The following SUPT20H variants were observed in gnomAD, a reference collection of about 807,000 sequenced individuals.
SUPT20H encodes the protein transcription factor SPT20 homolog.
Under a neutral mutation model 122.8 loss-of-function variants are expected in SUPT20H, and 82 were observed. The observed-to-expected ratio is 0.67, with a 90% CI of 0.56 to 0.80. The LOEUF is 0.80. SUPT20H is among the 30% of genes least tolerant of loss of function. SUPT20H has a pLI of 0.00. For synonymous variants in SUPT20H, 291 were observed against 313.0 expected, an observed-to-expected ratio of 0.93 and a Z score of 0.74; for missense variants, 831 against 921.6, an observed-to-expected ratio of 0.90 and a Z score of 1.27.
rs1275703441 is a variant in SUPT20H, at chr13:37,048,476, T to TA, written c.39+87dup. 5.5e-6 allele frequency: 7 copies of TA among 1,276,394 alleles called. No individual in the cohort carries two copies. The African/African-American group carries it at 9.2e-5, about 17-fold the overall frequency. 79.1% of individuals were successfully genotyped at this position (1,276,394 alleles called of 1,614,324 possible). ...GTCCTAAAATAGTAATGTGCTCCTTTAAAAATCACATACAAAAATCTCTTA... is the reference window on the plus strand; with the variant it reads ...GTCCTAAAATAGTAATGTGCTCCTTTAAAAAATCACATACAAAAATCTCTTA... On this transcript the variant is annotated intron_variant, in intron 3 of 25. Transcript: ENST00000350612.
rs752915989 is a variant in SUPT20H, at chr13:37,009,350, CTG to C, written c.*320_*321del. On this transcript the variant is annotated 3_prime_UTR_variant, in exon 26 of 26. Transcript: ENST00000350612. ...TTTGTAAAAATTGTATTTGTTAACACTGTGCACAAACGTTTTATACTAAATAA... is the reference window on the plus strand; with the variant it reads ...TTTGTAAAAATTGTATTTGTTAACACTGCACAAACGTTTTATACTAAATAA... 2.4e-5 allele frequency: 25 copies of C among 1,044,058 alleles called. No homozygotes were observed. The highest frequency in any genetic ancestry group is 3.4e-5 in the Non-Finnish European group (23 of 682,002). 64.7% of individuals were successfully genotyped at this position (1,044,058 alleles called of 1,614,324 possible).
chr13:37,033,518 A>G lies in SUPT20H; in HGVS notation c.638T>C (p.Ile213Thr), dbSNP rs911934207. The change falls in exon 10 of 26, where the codon ATA becomes ACA. Residue 213 changes from isoleucine to threonine, a missense_variant. Physicochemically the swap from Ile to Thr is moderately conservative, Grantham distance 89. Transcript: ENST00000350612. ...TAEPLCLDPS[I>T]AVTCTANRLL... ...TCTGTTTGCAGTGCAGGTGACTGCT[A>G]TAGAAGGATCAAGACAGAGTGGTTC... is the stretch of plus-strand genomic sequence containing the variant. 2 of 1,613,794 alleles carry G rather than the reference A, an allele frequency of 1.2e-6. No homozygotes were observed. The highest frequency in any genetic ancestry group is 4.5e-5 in the East Asian group (2 of 44,870).
intron 1 of SUPT20H, among the ~76,000 whole-genome samples, chr13:37,055,150 T>C (rs1001544428): frequency 3.3e-5 from 5 of 152,272 alleles, no homozygotes; most frequent in Admixed American, 6.5e-5. Context: ...ATTCCATGCT[T>C]ATGAGTAGGA....
rs1566161940 is a variant in SUPT20H at position 37,022,346 on chromosome 13, A to C, written c.1592-266T>G. 5.0e-5 allele frequency: 67 copies of C among 1,352,032 alleles called. No individual in the cohort carries two copies. Among genetic ancestry groups the C allele is most frequent in the Non-Finnish European group, 6.3e-5 (66 of 1,052,060 alleles). 83.8% of individuals were successfully genotyped at this position (1,352,032 alleles called of 1,614,324 possible). Reference sequence around the variant, plus strand: ...CTCATTGAGAAAAATAAAAATTGCTAGTTTGTTATAAATGGCCAGTCCTTT... The same window carrying C: ...CTCATTGAGAAAAATAAAAATTGCTCGTTTGTTATAAATGGCCAGTCCTTT... On this transcript the variant is annotated intron_variant, in intron 19 of 25. Transcript: ENST00000350612. The surrounding 1 kb of genome is among the most constrained non-coding windows in gnomAD (Gnocchi z 4.5).
At chr13:37,048,460 T>C in intron 3 of SUPT20H, 104 bp downstream of exon 3, 1 of 1,016,822 alleles carries the variant, frequency 9.8e-7, no homozygotes, top group Non-Finnish European at 1.4e-6. Flanking sequence ...TGTCCTAAAA[T>C]AGTAATGTGC....
chr13:37,023,011 C>T, intron 19 of SUPT20H: 1 of 1,279,412 alleles, frequency 7.8e-7, no homozygotes, highest in Non-Finnish European at 1.0e-6. Flanking sequence ...AAACCAAAAG[C>T]TCTTGAGGTG....
intron 12 of SUPT20H, 126 bp from the exon 13 acceptor site, chr13:37,029,962 A>C: frequency 4.7e-6 from 3 of 644,528 alleles, no homozygotes; most frequent in Non-Finnish European, 7.3e-6. Flanking sequence ...TAGCGCAAGA[A>C]TTCTTAAATT....
At chr13:37,029,043 A>G (rs1416386425) in intron 13 of SUPT20H, among the ~76,000 whole-genome samples, 2 of 151,774 alleles carry the variant, frequency 1.3e-5, no homozygotes, top group Admixed American at 1.3e-4. Context: ...TCATCATTTC[A>G]CTCCCAGAGT....
intron 21 of SUPT20H, among the ~76,000 whole-genome samples, 179 bp from the exon 22 acceptor site, chr13:37,019,576 G>A (rs2061146049): frequency 6.6e-6 from 1 of 152,090 alleles, no homozygotes; most frequent in Non-Finnish European, 1.5e-5. Flanking sequence ...TATCAATACT[G>A]AGATTTTATT....
Position 37,026,397 on chromosome 13 carries a change from CAT to C in SUPT20H, c.1179-163_1179-162del, listed in dbSNP as rs201148942. The stretch of plus-strand genomic sequence containing the variant: ...AAAAAATTTTTTTAATGCATTTAAA[CAT>C]ATGAAACAATGACTAAGTTTTGCAT... On this transcript the variant is annotated intron_variant, in intron 15 of 25. Coordinates refer to ENST00000350612, the MANE Select transcript of SUPT20H (RefSeq NM_001014286.3). 4.0e-3 allele frequency among the ~76,000 whole-genome samples: 607 copies of C among 152,068 alleles called. 5 individuals carry two copies. The highest frequency in any genetic ancestry group is 0.014 in the African/African-American group (585 of 41,510).
chr13:37,042,420 A>G (rs1262291284), intron 7 of SUPT20H, among the ~76,000 whole-genome samples: 2 of 152,204 alleles, frequency 1.3e-5, no homozygotes, highest in Middle Eastern at 3.2e-3. Context: ...TCATTCAGGG[A>G]GAATATTACT....
intron 9 of SUPT20H, among the ~76,000 whole-genome samples, chr13:37,036,822 G>A (rs2064523755): frequency 6.6e-6 from 1 of 151,920 alleles, no homozygotes; most frequent in Non-Finnish European, 1.5e-5. Context: ...TTTTCTCTTA[G>A]GATTTTCTTA....
rs762105775 is a variant in SUPT20H at position 37,031,588 on chromosome 13, C to T, written c.900G>A (p.Leu300=). 3 of 1,561,480 alleles carry T rather than the reference C, an allele frequency of 1.9e-6. No individual in the cohort carries two copies. The highest frequency in any genetic ancestry group is 2.6e-6 in the Non-Finnish European group (3 of 1,163,130). ...VDMWKRSPCN[L]AIPSEVDVEK... is the part of the protein sequence containing the mutation. ...TTACATCTACTTCAGAAGGTATGGCCAAATTACAGGGACTCCGTTTCCACA... is the reference window on the plus strand; with the variant it reads ...TTACATCTACTTCAGAAGGTATGGCTAAATTACAGGGACTCCGTTTCCACA... The change falls in exon 12 of 26, where the codon TTG becomes TTA. Residue 300 remains leucine, a synonymous_variant. Transcript: ENST00000350612.
chr13:37,014,358 T>C (rs1053586855), intron 23 of SUPT20H, among the ~76,000 whole-genome samples: 1 of 152,010 alleles, frequency 6.6e-6, no homozygotes, highest in African/African-American at 2.4e-5. Flanking sequence ...AAGAAAAGGA[T>C]ATAGAAGACC....
At chr13:37,021,645 GAA>G (rs777339871) in intron 20 of SUPT20H, 43 bp from the exon 21 acceptor site, 1 of 1,542,714 alleles carries the variant, frequency 6.5e-7, no homozygotes, top group South Asian at 1.2e-5. Flanking sequence ...ACTGTAAAAG[GAA>G]AAAATCAGCC....
intron 1 of SUPT20H, among the ~76,000 whole-genome samples, chr13:37,058,956 G>C (rs1327736867): frequency 1.3e-5 from 2 of 152,138 alleles, no homozygotes; most frequent in Non-Finnish European, 2.9e-5. Context: ...AGTCCTACTA[G>C]AGACTTTGAT....
chr13:37,043,326 A>G (rs1470266763), intron 7 of SUPT20H, among the ~76,000 whole-genome samples: 1 of 152,208 alleles, frequency 6.6e-6, no homozygotes, highest in African/African-American at 2.4e-5. Context: ...TCCTCAGTAG[A>G]GTACACAGTA....
intron 2 of SUPT20H, among the ~76,000 whole-genome samples, chr13:37,048,813 T>A (rs9285111): frequency 0.93 from 140,880 of 152,162 alleles, 66,220 homozygotes; most frequent in East Asian, 1. Context: ...TAAGAATGCT[T>A]ACACGGTCTC....
chr13:37,030,901 T>A (rs566958827), intron 12 of SUPT20H, among the ~76,000 whole-genome samples: 10 of 152,278 alleles, frequency 6.6e-5, no homozygotes, highest in East Asian at 3.9e-4. Flanking sequence ...TTCTTTTTTT[T>A]AAATCAGAAA....
Sources: gnomAD v4.1 joint callset for allele counts (sites outside exome capture counted in the v4.1 genomes callset) on GRCh38, gnomAD v4.1.1 for gene constraint, Gnocchi (gnomAD v3.1) non-coding constraint, MANE v1.5 for transcripts, NCBI Gene and HGNC (gene_info 2026-07-23, HGNC 2026-07-21) for gene names.